The following ADAM12 variants were observed in gnomAD, a reference collection of about 807,000 sequenced individuals.
ADAM12 encodes the protein ADAM metallopeptidase domain 12, also known as disintegrin and metalloproteinase domain-containing protein 12.
A neutral mutation model predicts 106.4 loss-of-function variants in ADAM12; 70 were observed. That is an observed-to-expected ratio of 0.66 (90% CI 0.54 to 0.80). ADAM12 has a LOEUF of 0.80. Among genes scored for constraint, ADAM12 ranks in the 30% least tolerant of loss-of-function variants. The pLI is 0.00. For synonymous variants in ADAM12, 420 were observed against 433.5 expected (o/e 0.97, Z 0.39); for missense variants, 1,010 against 1,171.9 (o/e 0.86, Z 2.02).
intron 5 of ADAM12, among the ~76,000 whole-genome samples, chr10:126,121,167 A>ATATACTATATACACTATATATAC (rs1565074151): frequency 1.1e-4 from 9 of 83,762 alleles, no homozygotes; most frequent in Non-Finnish European, 1.9e-4. Flanking sequence ...TATATATACT[A>ATATACTATATACACTATATATAC]TATATACTAT....
chr10:126,290,322 T>C (rs761550168), intron 2 of ADAM12, among the ~76,000 whole-genome samples: 16 of 152,168 alleles, frequency 1.1e-4, no homozygotes, highest in Non-Finnish European at 1.8e-4. Flanking sequence ...GTTTTTAACC[T>C]GGTGAGATTT....
intron 6 of ADAM12, among the ~76,000 whole-genome samples, chr10:126,112,990 C>A (rs1340337255): frequency 6.6e-6 from 1 of 152,094 alleles, no homozygotes; most frequent in African/African-American, 2.4e-5. Context: ...AGAAGGTGAG[C>A]CCATGCAGAA....
rs571568173 is a variant in ADAM12 at position 126,097,710 on chromosome 10, G to A, written c.996+706C>T. Among the ~76,000 whole-genome samples, 7 of 152,270 alleles carry A rather than the reference G, an allele frequency of 4.6e-5. 1 individual carries two copies. The South Asian group carries it at 1.5e-3, about 32-fold the overall frequency. The stretch of plus-strand genomic sequence containing the variant: ...ATTTTCAGAGCAGGGACAGCATAGG[G>A]TGAAAACCTCTCCTTTAATTATCTG... On this transcript the variant is annotated intron_variant, in intron 10 of 22. Transcript: ENST00000448723.
chr10:126,364,828 C>T (rs531695034), intron 1 of ADAM12, among the ~76,000 whole-genome samples: 1 of 152,140 alleles, frequency 6.6e-6, no homozygotes, highest in African/African-American at 2.4e-5. Context: ...CTTCCCTCAA[C>T]TCCTCCCTCA....
chr10:126,046,801 C>CAAAAAAAAAAAAAAA (rs60056450), intron 16 of ADAM12, among the ~76,000 whole-genome samples: 4 of 49,918 alleles, frequency 8.0e-5, no homozygotes, highest in African/African-American at 2.6e-4. Context: ...GATTCCGTCT[C>CAAAAAAAAAAAAAAA]AAAAAAAAAA....
chr10:126,342,818 C>T (rs1172971651), intron 1 of ADAM12, among the ~76,000 whole-genome samples: 5 of 151,900 alleles, frequency 3.3e-5, no homozygotes, highest in Non-Finnish European at 5.9e-5. Context: ...CTTAATATGT[C>T]ATCCAAGGGA....
intron 3 of ADAM12, among the ~76,000 whole-genome samples, chr10:126,258,170 A>C (rs186501492): frequency 1.1e-4 from 17 of 152,304 alleles, no homozygotes; most frequent in Admixed American, 9.8e-4. Context: ...CACACATTTA[A>C]AATAATGTAA....
In ADAM12 at chr10:126,311,773, G is replaced by A. The variant is rs114483339; in HGVS notation, c.186+18639C>T. Among the ~76,000 whole-genome samples, 634 of 152,226 alleles carry A rather than the reference G, an allele frequency of 4.2e-3. 2 individuals carry two copies. The highest frequency in any genetic ancestry group is 0.015 in the African/African-American group (609 of 41,536). On this transcript the variant is annotated intron_variant, in intron 2 of 22. Transcript: ENST00000448723. ...ACTCCACGGGGACAGCAGCTCCCAC[G>A]CTCAGGACCCTCTAGACCCTGCTCT...
chr10:126,190,167 C>T (rs1167138697), intron 3 of ADAM12, among the ~76,000 whole-genome samples: 2 of 151,578 alleles, frequency 1.3e-5, no homozygotes, highest in South Asian at 2.1e-4. Flanking sequence ...TAGCGTGTAG[C>T]GTGCCTGCTT....
chr10:126,212,711 T>C (rs1957923968), intron 3 of ADAM12, among the ~76,000 whole-genome samples: 1 of 152,244 alleles, frequency 6.6e-6, no homozygotes, highest in Non-Finnish European at 1.5e-5. Flanking sequence ...TGAATTCTTC[T>C]GAATTTAATT....
At chr10:126,106,252 C>T (rs1036626570) in intron 8 of ADAM12, among the ~76,000 whole-genome samples, 1 of 152,130 alleles carries the variant, frequency 6.6e-6, no homozygotes, top group African/African-American at 2.4e-5. Flanking sequence ...CATCCCTCGT[C>T]CTGCAAATGA....
chr10:126,045,939 A>G (rs747918687), intron 17 of ADAM12, 116 bp downstream of exon 17: 5 of 860,752 alleles, frequency 5.8e-6, no homozygotes, highest in Non-Finnish European at 9.3e-6. Context: ...AATATTTCAA[A>G]CACAATAACT....
At chr10:126,347,590 T>A (rs900871084) in intron 1 of ADAM12, among the ~76,000 whole-genome samples, 4 of 152,216 alleles carry the variant, frequency 2.6e-5, no homozygotes, top group African/African-American at 7.2e-5. Flanking sequence ...AGCCAATCAT[T>A]ATAAAGAGAA....
intron 3 of ADAM12, among the ~76,000 whole-genome samples, chr10:126,202,946 T>C (rs1957729493): frequency 6.6e-6 from 1 of 152,196 alleles, no homozygotes; most frequent in Non-Finnish European, 1.5e-5. Context: ...AAATTAAAAA[T>C]TAAAATTAAA....
chr10:126,095,653 C>G (rs1487710958), intron 10 of ADAM12, among the ~76,000 whole-genome samples: 2 of 150,948 alleles, frequency 1.3e-5, no homozygotes, highest in African/African-American at 4.9e-5. Flanking sequence ...GAGAGTGGGA[C>G]CAGTGGCTTT....
intron 3 of ADAM12, among the ~76,000 whole-genome samples, chr10:126,223,826 T>C (rs925813088): frequency 6.6e-6 from 1 of 152,202 alleles, no homozygotes; most frequent in Non-Finnish European, 1.5e-5. Context: ...GCATTGGGCA[T>C]GAGTGCTTTC....
chr10:126,270,447 G>A (rs1959169720), intron 3 of ADAM12, among the ~76,000 whole-genome samples: 1 of 152,218 alleles, frequency 6.6e-6, no homozygotes, highest in South Asian at 2.1e-4. Context: ...TGATGGAAAT[G>A]TCCGTCTAGC....
intron 3 of ADAM12, among the ~76,000 whole-genome samples, chr10:126,222,668 C>T (rs977572753): frequency 1.3e-5 from 2 of 151,880 alleles, no homozygotes; most frequent in African/African-American, 4.8e-5. Context: ...TCTCATCCTG[C>T]GTTTCCGGGG....
chr10:126,211,050 T>G (rs1957892273), intron 3 of ADAM12, among the ~76,000 whole-genome samples: 1 of 152,064 alleles, frequency 6.6e-6, no homozygotes, highest in Non-Finnish European at 1.5e-5. Flanking sequence ...TACACTGTGG[T>G]GTAAGGAGCT....
Sources: gnomAD v4.1 joint callset for allele counts (sites outside exome capture counted in the v4.1 genomes callset) on GRCh38, gnomAD v4.1.1 for gene constraint, MANE v1.5 for transcripts, NCBI Gene and HGNC (gene_info 2026-07-23, HGNC 2026-07-21) for gene names.